PBLD: variants seen among roughly 807,000 people sequenced by gnomAD.
PBLD encodes phenazine biosynthesis-like domain-containing protein.
In PBLD, 26 loss-of-function variants were observed where a neutral mutation model predicts 31.3. That is an observed-to-expected ratio of 0.83 (90% confidence interval 0.61 to 1.15). The LOEUF is 1.15. Among genes scored for constraint, PBLD ranks in the 50% most tolerant of loss-of-function variants. PBLD has a pLI of 0.00. For missense variants in PBLD, 307 were observed against 351.7 expected, an observed-to-expected ratio of 0.87 and a Z score of 1.02; for synonymous variants, 114 against 129.0, an observed-to-expected ratio of 0.88 and a Z score of 0.79.
At chr10:68,322,290 G>T (rs1323719792) in intron 1 of PBLD, among the ~76,000 whole-genome samples, 1 of 152,100 alleles carries the variant, frequency 6.6e-6, no homozygotes, top group Non-Finnish European at 1.5e-5. Context: ...TGGTATCCTG[G>T]ATGGGATCCT....
At chr10:68,294,860 T>G (rs977742453) in intron 4 of PBLD, among the ~76,000 whole-genome samples, 1 of 152,222 alleles carries the variant, frequency 6.6e-6, no homozygotes, top group Non-Finnish European at 1.5e-5. Context: ...CCTGAGTAGC[T>G]GGGACTACCG....
chr10:68,291,938 T>C, intron 6 of PBLD, 72 bp downstream of exon 6: 1 of 1,439,790 alleles, frequency 6.9e-7, no homozygotes. Context: ...TCTTTGTGGA[T>C]CAAATGATAC....
chr10:68,326,740 C>A (rs2044927230), intron 1 of PBLD, among the ~76,000 whole-genome samples: 1 of 152,142 alleles, frequency 6.6e-6, no homozygotes, highest in African/African-American at 2.4e-5. Flanking sequence ...ACCTAACAAA[C>A]CATTTTAGAG....
intron 1 of PBLD, chr10:68,332,289 G>A (rs560106407): frequency 6.6e-6 from 1 of 152,286 alleles, no homozygotes; most frequent in Non-Finnish European, 1.5e-5. Flanking sequence ...CGAAAGGCCG[G>A]GAGGGGCTGG....
intron 1 of PBLD, among the ~76,000 whole-genome samples, chr10:68,320,821 C>CCTTT (rs1564738372): frequency 1.4e-5 from 2 of 142,784 alleles, no homozygotes; most frequent in Non-Finnish European, 1.5e-5. Context: ...GCTCAACCCC[C>CCTTT]TTTTTTTTTT....
intron 2 of PBLD, among the ~76,000 whole-genome samples, chr10:68,302,383 C>A (rs2044516186): frequency 6.6e-6 from 1 of 152,172 alleles, no homozygotes; most frequent in African/African-American, 2.4e-5. Context: ...TTAAAATACT[C>A]CCATCTTGTG....
chr10:68,291,130 G>C (rs1203321692), intron 6 of PBLD, among the ~76,000 whole-genome samples: 6 of 152,156 alleles, frequency 3.9e-5, no homozygotes, highest in African/African-American at 1.4e-4. Flanking sequence ...TCTCATGACA[G>C]CCCTTGCCCT....
At chr10:68,299,005 A>T (rs2044468921) in intron 2 of PBLD, among the ~76,000 whole-genome samples, 1 of 149,280 alleles carries the variant, frequency 6.7e-6, no homozygotes, top group South Asian at 2.1e-4. Flanking sequence ...TACTCGGGAA[A>T]CTGAGGCAGG....
chr10:68,332,104 T>A (rs2045148817), intron 1 of PBLD: 1 of 152,276 alleles, frequency 6.6e-6, no homozygotes. Flanking sequence ...TTGTCACCGC[T>A]GGAGACGGTT....
intron 1 of PBLD, among the ~76,000 whole-genome samples, chr10:68,324,557 TCTC>T (rs1253672838): frequency 6.6e-6 from 1 of 151,992 alleles, no homozygotes; most frequent in Non-Finnish European, 1.5e-5. Context: ...TACTGGTCCT[TCTC>T]CTAGTCTTCT....
rs538206423 is a variant in PBLD, at chr10:68,288,343, G to T, written c.691+140C>A. ...CATGGAAGACTTCAGTGAAGGGATG[G>T]CAGGGATGGGGAAAGATAGAGGAAC... On this transcript the variant is annotated intron_variant, in intron 8 of 9. Coordinates refer to ENST00000358769, the MANE Select transcript of PBLD (RefSeq NM_022129.4). The T allele has an allele frequency of 7.9e-4, 682 of 863,990 alleles. 3 individuals are homozygous for T. In the Middle Eastern group the frequency reaches 0.01, roughly 13 times the overall value. 53.5% of individuals were successfully genotyped at this position (863,990 alleles called of 1,614,324 possible). A position where few individuals can be genotyped will look rare whatever the true frequency, so the allele number is the denominator to read the frequency against.
intron 1 of PBLD, among the ~76,000 whole-genome samples, chr10:68,308,728 A>G (rs1235886873): frequency 6.7e-6 from 1 of 149,664 alleles, no homozygotes; most frequent in African/African-American, 2.5e-5. Context: ...TTTTGTAGAG[A>G]CAGGGTTTCG....
chr10:68,309,746 G>A (rs2044637414), intron 1 of PBLD, among the ~76,000 whole-genome samples: 1 of 147,736 alleles, frequency 6.8e-6, no homozygotes, highest in African/African-American at 2.5e-5. Context: ...GTCAGAGGTT[G>A]TGGTGAGCCG....
At chr10:68,301,161 G>C (rs749477461) in intron 2 of PBLD, among the ~76,000 whole-genome samples, 2 of 152,132 alleles carry the variant, frequency 1.3e-5, no homozygotes, top group Non-Finnish European at 2.9e-5. Flanking sequence ...CTCCCAAAGT[G>C]CTGAGATTAC....
rs538615906 is a variant in PBLD, at chr10:68,290,492, C to T, written c.424-1473G>A. On this transcript the variant is annotated intron_variant, in intron 6 of 9. Coordinates refer to ENST00000358769, the MANE Select transcript of PBLD (RefSeq NM_022129.4). ...CAGCTCTTTGGGAGGCCGAGGCAGG[C>T]GGATCACCTGAGCTCAGGAGTTCGA... Among the ~76,000 whole-genome samples, 14 of 152,142 alleles carry T rather than the reference C, an allele frequency of 9.2e-5. No individual in the cohort carries two copies. In the South Asian group the frequency reaches 2.5e-3, roughly 27 times the overall value.
At chr10:68,319,067 G>GAAAGA (rs1554860590) in intron 1 of PBLD, among the ~76,000 whole-genome samples, 2 of 116,212 alleles carry the variant, frequency 1.7e-5, no homozygotes, top group African/African-American at 7.5e-5. Flanking sequence ...AAGAAAGAAA[G>GAAAGA]AAAGAAAGAA....
intron 1 of PBLD, among the ~76,000 whole-genome samples, chr10:68,317,552 C>T (rs10998064): frequency 0.043 from 6,596 of 152,104 alleles, 178 homozygotes; most frequent in African/African-American, 0.051. Flanking sequence ...AATCCCAGCA[C>T]TTTGGGAGGC....
chr10:68,284,373 T>C, intron 9 of PBLD, 84 bp from the exon 10 acceptor site: 4 of 1,162,010 alleles, frequency 3.4e-6, no homozygotes, highest in Non-Finnish European at 5.0e-6. Context: ...TTACAAATCT[T>C]AGAGTCCTCC....
At chr10:68,305,069 A>G (rs1343151743) in intron 2 of PBLD, among the ~76,000 whole-genome samples, 1 of 152,198 alleles carries the variant, frequency 6.6e-6, no homozygotes, top group Non-Finnish European at 1.5e-5. Context: ...GACTCAATTA[A>G]TAATATTCCA....
Sources: gnomAD v4.1 joint callset for allele counts (sites outside exome capture counted in the v4.1 genomes callset) on GRCh38, gnomAD v4.1.1 for gene constraint, MANE v1.5 for transcripts, NCBI Gene and HGNC (gene_info 2026-07-23, HGNC 2026-07-21) for gene names.